Variants in GMDS observed in about 807,000 individuals in gnomAD.
The protein encoded by GMDS is GDP-mannose 4,6-dehydratase, also known as GDP-mannose 4,6 dehydratase.
A neutral mutation model predicts 49.9 loss-of-function variants in GMDS; 20 were observed. That is an observed-to-expected ratio of 0.40 (90% CI 0.28 to 0.58). The LOEUF (loss-of-function observed/expected upper bound fraction) is 0.58. Ranked by LOEUF, GMDS falls within the 20% of genes least tolerant of loss-of-function variation. GMDS has a pLI of 0.42. For synonymous variants in GMDS, 177 were observed against 178.6 expected, an observed-to-expected ratio of 0.99 and a Z score of 0.07; for missense variants, 362 against 481.4, an observed-to-expected ratio of 0.75 and a Z score of 2.32.
chr6:2,064,094 A>G (rs767745833), intron 4 of GMDS, among the ~76,000 whole-genome samples: 1 of 152,228 alleles, frequency 6.6e-6, no homozygotes, highest in Non-Finnish European at 1.5e-5. Flanking sequence ...TCACACATTT[A>G]AAACACCAAC....
intron 9 of GMDS, among the ~76,000 whole-genome samples, chr6:1,724,451 T>C (rs1766500618): frequency 6.6e-6 from 1 of 152,162 alleles, no homozygotes. Context: ...TGTGTCCTTA[T>C]CAATCCCACA....
intron 7 of GMDS, among the ~76,000 whole-genome samples, chr6:1,878,976 G>T (rs1488833778): frequency 6.6e-6 from 1 of 152,172 alleles, no homozygotes; most frequent in East Asian, 1.9e-4. Flanking sequence ...TTGTTACACA[G>T]TGGGCCCAGT....
chr6:1,652,478 T>A lies in GMDS; in HGVS notation c.988-27938A>T, dbSNP rs9502989. ...ATTTATATATAATATATTATATATA[T>A]TATATATAATATATATTATTTATAT... On this transcript the variant is annotated intron_variant, in intron 9 of 10. Coordinates refer to ENST00000380815, the MANE Select transcript of GMDS (RefSeq NM_001500.4). 3.5e-4 allele frequency among the ~76,000 whole-genome samples: 3 copies of A among 8,682 alleles called. 1 individual carries two copies. The Admixed American group carries it at 8.1e-3, about 23-fold the overall frequency. The allele number at this position is 8,682 out of a possible 152,430, so 5.7% of individuals were successfully genotyped here.
intron 4 of GMDS, among the ~76,000 whole-genome samples, chr6:2,032,858 A>G (rs1336183449): frequency 6.6e-6 from 1 of 152,188 alleles, no homozygotes; most frequent in East Asian, 1.9e-4. Flanking sequence ...GATACAATAC[A>G]GTTCCTCTTA....
intron 9 of GMDS, among the ~76,000 whole-genome samples, chr6:1,687,914 G>T (rs1038282761): frequency 6.6e-6 from 1 of 152,130 alleles, no homozygotes; most frequent in African/African-American, 2.4e-5. Flanking sequence ...GCTGCGGGAA[G>T]GACCTGGAAT....
chr6:1,905,247 G>A (rs1033602238), intron 7 of GMDS, among the ~76,000 whole-genome samples: 5 of 152,254 alleles, frequency 3.3e-5, no homozygotes, highest in African/African-American at 4.8e-5. Flanking sequence ...GGCACTGGCC[G>A]GTGTCATTAG....
chr6:1,799,760 C>T (rs1312040456), intron 7 of GMDS, among the ~76,000 whole-genome samples: 1 of 152,144 alleles, frequency 6.6e-6, no homozygotes, highest in East Asian at 1.9e-4. Flanking sequence ...CACTAACACA[C>T]ATTGTTGATT....
At chr6:1,876,322 G>A (rs1380144609) in intron 7 of GMDS, among the ~76,000 whole-genome samples, 1 of 152,112 alleles carries the variant, frequency 6.6e-6, no homozygotes, top group Admixed American at 6.5e-5. Flanking sequence ...GCTATGCTCG[G>A]GAGCTGAAGG....
At chr6:2,000,013 T>A (rs183728499) in intron 4 of GMDS, among the ~76,000 whole-genome samples, 1,621 of 9,886 alleles carry the variant, frequency 0.16, 402 homozygotes, top group South Asian at 0.31. Flanking sequence ...TATATATTTT[T>A]TATATATATA....
Position 1,726,396 on chromosome 6 carries a change from G to C in GMDS, c.987+20C>G, listed in dbSNP as rs371167316. 7.8e-6 allele frequency: 12 copies of C among 1,535,994 alleles called. No homozygotes were observed. The African/African-American group carries it at 1.6e-4, about 21-fold the overall frequency. ...GCCAGCCAAATGTGGCCACGCACTG[G>C]GTGGCCAGAGAGTCCTTACCACTTC... is the stretch of plus-strand genomic sequence containing the variant. On this transcript the variant is annotated intron_variant, in intron 9 of 10. Transcript: ENST00000380815.
At chr6:1,782,905 A>G (rs532562138) in intron 7 of GMDS, among the ~76,000 whole-genome samples, 1 of 152,288 alleles carries the variant, frequency 6.6e-6, no homozygotes, top group East Asian at 1.9e-4. Flanking sequence ...TGTAATCCCA[A>G]AACTTTCGGA....
rs566575360 is a variant in GMDS at position 1,835,162 on chromosome 6, G to C, written c.772-92576C>G. On this transcript the variant is annotated intron_variant, in intron 7 of 10. Transcript: ENST00000380815. ...GGGCACAGAGTCTGTGTTGCGTAAG[G>C]GGGGGTCTGTCAGGGAAGTTTTCCT... Among the ~76,000 whole-genome samples, 6 of 152,264 alleles carry C rather than the reference G, an allele frequency of 3.9e-5. No homozygotes were observed. The South Asian group carries it at 8.3e-4, about 21-fold the overall frequency.
chr6:1,822,468 C>T (rs1033674557), intron 7 of GMDS, among the ~76,000 whole-genome samples: 5 of 152,056 alleles, frequency 3.3e-5, no homozygotes, highest in African/African-American at 7.2e-5. Context: ...ATACAAACTC[C>T]GGTAATAATC....
At chr6:1,762,789 G>A (rs1318780235) in intron 7 of GMDS, among the ~76,000 whole-genome samples, 4 of 152,138 alleles carry the variant, frequency 2.6e-5, no homozygotes, top group Non-Finnish European at 5.9e-5. Flanking sequence ...AGTGTATTGT[G>A]GTTATTATTA....
At chr6:1,699,569 G>A (rs1406628893) in intron 9 of GMDS, among the ~76,000 whole-genome samples, 2 of 152,102 alleles carry the variant, frequency 1.3e-5, no homozygotes, top group South Asian at 2.1e-4. Flanking sequence ...TTCTAGAGGC[G>A]CCTACACCCC....
intron 1 of GMDS, among the ~76,000 whole-genome samples, chr6:2,214,692 C>CT (rs1780239800): frequency 6.6e-6 from 1 of 152,062 alleles, no homozygotes; most frequent in Non-Finnish European, 1.5e-5. Flanking sequence ...TTCTTTCTTT[C>CT]TTTTAAGAGA....
intron 7 of GMDS, among the ~76,000 whole-genome samples, chr6:1,920,560 T>C (rs989740761): frequency 2.0e-5 from 3 of 152,240 alleles, no homozygotes; most frequent in Middle Eastern, 3.2e-3. Context: ...AGTATAAAGA[T>C]GAAGCACTGA....
At chr6:2,121,236 G>A (rs571129881) in intron 2 of GMDS, among the ~76,000 whole-genome samples, 1 of 152,288 alleles carries the variant, frequency 6.6e-6, no homozygotes, top group South Asian at 2.1e-4. Context: ...GGATAAAGGA[G>A]AATGATCCTC....
At chr6:1,680,134 C>T (rs1435828037) in intron 9 of GMDS, among the ~76,000 whole-genome samples, 1 of 152,202 alleles carries the variant, frequency 6.6e-6, no homozygotes, top group Admixed American at 6.5e-5. Flanking sequence ...ATGATATTTT[C>T]AGCTGGTCAC....
Sources: gnomAD v4.1 joint callset for allele counts (sites outside exome capture counted in the v4.1 genomes callset) on GRCh38, gnomAD v4.1.1 for gene constraint, MANE v1.5 for transcripts, NCBI Gene and HGNC (gene_info 2026-07-23, HGNC 2026-07-21) for gene names.